The following MACC1 variants were observed in gnomAD, a reference collection of about 807,000 sequenced individuals.
The protein encoded by MACC1 is metastasis-associated in colon cancer protein 1.
Under a neutral mutation model 70.7 loss-of-function variants are expected in MACC1, and 79 were observed. The ratio of observed to expected loss-of-function variants is 1.12; its 90% CI spans 0.93 to 1.35. The LOEUF (loss-of-function observed/expected upper bound fraction) is 1.35. Ranked by LOEUF, MACC1 falls within the 40% of genes most tolerant of loss-of-function variation. The pLI is 0.00. For synonymous variants in MACC1, 361 were observed against 347.2 expected, an observed-to-expected ratio of 1.04 and a Z score of -0.44; for missense variants, 1,106 against 978.1, an observed-to-expected ratio of 1.13 and a Z score of -1.74.
In MACC1 at chr7:20,167,269, C is replaced by T. The variant is rs1295614094; in HGVS notation, c.-152-2870G>A. On this transcript the variant is annotated intron_variant, in intron 2 of 6. Transcript: ENST00000400331. ...GGAGTGCAGTGGTGTGATCTCAGCT[C>T]ACTGCAACCTCCACCTCCCGGGTTC... 2.0e-5 allele frequency among the ~76,000 whole-genome samples: 3 copies of T among 151,722 alleles called. No homozygotes were observed. The East Asian group carries it at 5.8e-4, about 29-fold the overall frequency.
rs1210767567 is a variant in MACC1 at position 20,170,494 on chromosome 7, C to T, written c.-153+220G>A. 7 of 152,142 alleles carry T rather than the reference C, an allele frequency of 4.6e-5. No individual in the cohort carries two copies. In the South Asian group the frequency reaches 1.4e-3, roughly 31 times the overall value. The allele number at this position is 152,142 out of a possible 1,614,324, so 9.4% of individuals were successfully genotyped here. On this transcript the variant is annotated intron_variant, in intron 2 of 6. Coordinates refer to ENST00000400331, the MANE Select transcript of MACC1 (RefSeq NM_182762.4). Reference sequence around the variant, plus strand: ...ACACTGTGAAAGTTTGTCATTTTAGCTTAACAGATTATTCAACTTGACAAT... The same window carrying T: ...ACACTGTGAAAGTTTGTCATTTTAGTTTAACAGATTATTCAACTTGACAAT...
rs932570847 is a variant in MACC1, at chr7:20,159,582, A to C, written c.779T>G (p.Met260Arg). Residue 260 changes from methionine to arginine, a missense_variant, in exon 5 of 7, where the codon ATG becomes AGG. Met to Arg is a moderately conservative substitution (Grantham distance 91). Coordinates refer to ENST00000400331, the MANE Select transcript of MACC1 (RefSeq NM_182762.4). ...SLRAFLDPPH[M>R]LNHDLSCTVS... ...AGTGCACGAAAGATCATGGTTAAGC[A>C]TGTGTGGCGGATCAAGGAAAGCCCT... The C allele has an allele frequency of 3.7e-6, 6 of 1,614,162 alleles. No individual in the cohort carries two copies. In the Admixed American group the frequency reaches 1.0e-4, roughly 27 times the overall value.
At chr7:20,171,425 T>C (rs1272261804) in intron 1 of MACC1, among the ~76,000 whole-genome samples, 6 of 151,496 alleles carry the variant, frequency 4.0e-5, no homozygotes, top group Non-Finnish European at 5.9e-5. Context: ...CTAATTTTTT[T>C]TTATATTTTT....
chr7:20,142,595 G>C (rs1055179730), intron 6 of MACC1, among the ~76,000 whole-genome samples: 54 of 152,122 alleles, frequency 3.5e-4, no homozygotes, highest in African/African-American at 1.2e-3. Flanking sequence ...CTATATTTCT[G>C]AAGATTTACA....
rs370012739 is a variant in MACC1, at chr7:20,205,773, T to G, written c.-218+11526A>C. Among the ~76,000 whole-genome samples the G allele has an allele frequency of 2.2e-4, 34 of 152,184 alleles. No homozygotes were observed. The East Asian group carries it at 6.2e-3, about 28-fold the overall frequency. On this transcript the variant is annotated intron_variant, in intron 1 of 6. Coordinates refer to ENST00000400331, the MANE Select transcript of MACC1 (RefSeq NM_182762.4). Reference sequence around the variant, plus strand: ...CCTTTTCCATGATTTGAAATCCCTATTTTTATGGGAAAGCTCAATGATGTT... The same window carrying G: ...CCTTTTCCATGATTTGAAATCCCTAGTTTTATGGGAAAGCTCAATGATGTT...
At chr7:20,175,425 C>T (rs1000471277) in intron 1 of MACC1, among the ~76,000 whole-genome samples, 2 of 151,848 alleles carry the variant, frequency 1.3e-5, no homozygotes, top group Admixed American at 6.6e-5. Flanking sequence ...CAGGCAAAGG[C>T]AGATTTAAAA....
In MACC1 at chr7:20,165,537, G is replaced by A. The variant is rs200680749; in HGVS notation, c.-152-1138C>T. Among the ~76,000 whole-genome samples, 724 of 149,078 alleles carry A rather than the reference G, an allele frequency of 4.9e-3. 9 individuals carry two copies. The highest frequency in any genetic ancestry group is 0.017 in the African/African-American group (683 of 40,692). The stretch of plus-strand genomic sequence containing the variant: ...GAATCCAAGGAGAGGTGGTATAGGG[G>A]AAAAAAAAAAATCCTCGACTGGAAG... On this transcript the variant is annotated intron_variant, in intron 2 of 6. Transcript: ENST00000400331.
Position 20,207,244 on chromosome 7 carries a change from G to C in MACC1, c.-218+10055C>G, listed in dbSNP as rs77714989. Among the ~76,000 whole-genome samples the C allele has an allele frequency of 1.9e-3, 292 of 151,690 alleles. 2 individuals are homozygous for C. Among genetic ancestry groups the C allele is most frequent in the African/African-American group, 6.8e-3 (280 of 41,382 alleles). ...CAACCTCCGCCTCCTAGGTTCAAGC[G>C]ATTCTCCTATCTCAGCCTCCCAAGT... On this transcript the variant is annotated intron_variant, in intron 1 of 6. Transcript: ENST00000400331.
chr7:20,142,057 G>A (rs1282199898), intron 6 of MACC1: 1 of 152,052 alleles, frequency 6.6e-6, no homozygotes, highest in African/African-American at 2.4e-5. Context: ...TTTATTATTT[G>A]CTTATTTTGG....
In MACC1 at chr7:20,159,425, G is replaced by C. The variant is rs1257391085; in HGVS notation, c.936C>G (p.His312Gln). 1.2e-6 allele frequency: 2 copies of C among 1,613,892 alleles called. No homozygotes were observed. Among genetic ancestry groups the C allele is most frequent in the Non-Finnish European group, 1.7e-6 (2 of 1,180,022 alleles). ...TAAAAGGGCCTTCTTTACCCAAGCTGTGTAAACACACCATTTCTGTCATGA... is the reference window on the plus strand; with the variant it reads ...TAAAAGGGCCTTCTTTACCCAAGCTCTGTAAACACACCATTTCTGTCATGA... Reference protein sequence around the residue: ...SQVMTEMVCLHSLGKEGPFKV... With the variant: ...SQVMTEMVCLQSLGKEGPFKV... The change falls in exon 5 of 7, where the codon CAC becomes CAG. Residue 312 changes from histidine (H) to glutamine (Q), a missense_variant. His to Gln is a conservative substitution (Grantham distance 24, BLOSUM62 0). Coordinates refer to ENST00000400331, the MANE Select transcript of MACC1 (RefSeq NM_182762.4).
Position 20,158,336 on chromosome 7 carries a change from A to G in MACC1, c.2025T>C (p.His675=), listed in dbSNP as rs1782084611. ...KVLADVLGYS[H]LSLEDFDQIQ... is the part of the protein sequence containing the mutation. ...TTTGATCAAAATCTTCCAGGGACAG[A>G]TGTGAGTAACCCAGGACATCAGCTA... Residue 675 remains histidine, a synonymous_variant, in exon 5 of 7, where the codon CAT becomes CAC. Coordinates refer to ENST00000400331, the MANE Select transcript of MACC1 (RefSeq NM_182762.4). 1.9e-6 allele frequency: 3 copies of G among 1,613,830 alleles called. No individual in the cohort carries two copies. The highest frequency in any genetic ancestry group is 2.7e-5 in the African/African-American group (2 of 74,952).
intron 5 of MACC1, among the ~76,000 whole-genome samples, chr7:20,155,365 A>G (rs1486059726): frequency 6.6e-6 from 1 of 152,248 alleles, no homozygotes; most frequent in African/African-American, 2.4e-5. Flanking sequence ...GAAAAGTTTA[A>G]TTTATAAATT....
In MACC1 at chr7:20,161,742, C is replaced by A. The variant is rs1316413567; in HGVS notation, c.115+6G>T. On this transcript the variant is annotated splice_donor_region_variant and intron_variant, in intron 4 of 6. Transcript: ENST00000400331. ...GACAAATCACAACAGTTATAAATTCCCATACCTGTAATATTGCAACTTTTT... is the reference window on the plus strand; with the variant it reads ...GACAAATCACAACAGTTATAAATTCACATACCTGTAATATTGCAACTTTTT... 2 of 1,547,686 alleles carry A rather than the reference C, an allele frequency of 1.3e-6. No individual in the cohort carries two copies. Among genetic ancestry groups the A allele is most frequent in the Non-Finnish European group, 1.8e-6 (2 of 1,120,824 alleles).
intron 6 of MACC1, among the ~76,000 whole-genome samples, chr7:20,153,810 AT>A (rs1562583394): frequency 9.2e-5 from 14 of 152,144 alleles, no homozygotes; most frequent in Non-Finnish European, 2.1e-4. Context: ...CCTGAGGCCG[AT>A]AAGTACATAT....
intron 6 of MACC1, among the ~76,000 whole-genome samples, chr7:20,152,757 A>T (rs1583384251): frequency 6.6e-6 from 1 of 152,330 alleles, no homozygotes; most frequent in East Asian, 1.9e-4. Flanking sequence ...GACAAACTAT[A>T]AACAACCACA....
intron 6 of MACC1, chr7:20,150,285 C>T (rs780577918): frequency 2.0e-5 from 3 of 151,934 alleles, no homozygotes; most frequent in Admixed American, 6.6e-5. Flanking sequence ...CCAGAATAAG[C>T]GTTAAGTATA....
chr7:20,155,761 T>C (rs1782046231), intron 5 of MACC1, among the ~76,000 whole-genome samples: 1 of 152,190 alleles, frequency 6.6e-6, no homozygotes, highest in African/African-American at 2.4e-5. Flanking sequence ...ATCCATACAT[T>C]TATACTGAAG....
intron 1 of MACC1, among the ~76,000 whole-genome samples, chr7:20,173,291 C>G (rs1034873428): frequency 1.3e-5 from 2 of 152,158 alleles, no homozygotes; most frequent in Non-Finnish European, 2.9e-5. Flanking sequence ...CCCATCCTTA[C>G]CCTGGCACAA....
At position 20,171,012 on chromosome 7, in the gene MACC1, C is replaced by T. The variant is rs117561969; in HGVS notation, c.-217-234G>A. Among the ~76,000 whole-genome samples, 1,249 of 152,200 alleles carry T rather than the reference C, an allele frequency of 8.2e-3. 31 individuals carry two copies. The highest frequency in any genetic ancestry group is 0.038 in the Admixed American group (586 of 15,296). On this transcript the variant is annotated intron_variant, in intron 1 of 6. Transcript: ENST00000400331. ...ATGTTTCAGGGAATCACACTGTTTCCATTTGTTATTTTTGTAAACAGAACG... is the reference window on the plus strand; with the variant it reads ...ATGTTTCAGGGAATCACACTGTTTCTATTTGTTATTTTTGTAAACAGAACG...
Sources: gnomAD v4.1 joint callset for allele counts (sites outside exome capture counted in the v4.1 genomes callset) on GRCh38, gnomAD v4.1.1 for gene constraint, MANE v1.5 for transcripts, NCBI Gene and HGNC (gene_info 2026-07-23, HGNC 2026-07-21) for gene names.